The following UGT3A1 variants were observed in gnomAD, a reference collection of about 807,000 sequenced individuals.
UGT3A1 encodes UDP-glycosyltransferase 3A1.
A neutral mutation model predicts 37.6 loss-of-function variants in UGT3A1; 40 were observed. That is an observed-to-expected ratio of 1.06 (90% CI 0.83 to 1.38). UGT3A1 has a LOEUF of 1.38. Ranked by LOEUF, UGT3A1 falls within the 40% of genes most tolerant of loss-of-function variation. UGT3A1 has a pLI of 0.00. For missense variants in UGT3A1, 642 were observed against 634.2 expected, an observed-to-expected ratio of 1.01 and a Z score of -0.13; for synonymous variants, 256 against 232.3, an observed-to-expected ratio of 1.10 and a Z score of -0.93.
intron 2 of UGT3A1, among the ~76,000 whole-genome samples, chr5:35,976,048 A>G (rs1384024664): frequency 6.6e-6 from 1 of 152,192 alleles, no homozygotes; most frequent in Non-Finnish European, 1.5e-5. Flanking sequence ...GTGATCCACT[A>G]TCAATATTTT....
intron 2 of UGT3A1, among the ~76,000 whole-genome samples, chr5:35,978,536 A>G (rs1740390324): frequency 6.6e-6 from 1 of 151,826 alleles, no homozygotes; most frequent in Non-Finnish European, 1.5e-5. Flanking sequence ...TTACAAAACC[A>G]TCAGATCTCA....
At chr5:35,984,360 T>G (rs1172923142) in intron 2 of UGT3A1, among the ~76,000 whole-genome samples, 2 of 152,248 alleles carry the variant, frequency 1.3e-5, no homozygotes, top group Non-Finnish European at 2.9e-5. Context: ...TATGTGATAC[T>G]TAACTGTATT....
In UGT3A1 at chr5:35,967,215, T is replaced by C. The variant is rs560889915; in HGVS notation, c.311+804A>G. 2.0e-5 allele frequency among the ~76,000 whole-genome samples: 3 copies of C among 152,260 alleles called. No individual in the cohort carries two copies. In the East Asian group the frequency reaches 5.8e-4, roughly 29 times the overall value. On this transcript the variant is annotated intron_variant, in intron 3 of 6. Transcript: ENST00000274278. Reference sequence around the variant, plus strand: ...TGCCATAGACTAAGTATCAAATGAGTGCTATATGCCAGACCTATGGAGGAG... The same window carrying C: ...TGCCATAGACTAAGTATCAAATGAGCGCTATATGCCAGACCTATGGAGGAG...
At chr5:35,998,137 T>G (rs1224141821) in intron 1 of UGT3A1, among the ~76,000 whole-genome samples, 1 of 152,212 alleles carries the variant, frequency 6.6e-6, no homozygotes, top group Non-Finnish European at 1.5e-5. Context: ...GACAATCAGC[T>G]GTACAACAAA....
rs754514609 is a variant in UGT3A1, at chr5:35,965,584, C to T, written c.645G>A (p.Trp215Ter). The part of the protein sequence containing the change: ...LMFFSFSRSQ[W>*]DMQSTFDNTI... ...TGTTGTCAAATGTAGACTGCATGTC[C>T]CATTGGCTCCTGGAGAAACTAAAGA... The change falls in exon 4 of 7, where the codon TGG becomes TGA. Residue 215 changes from tryptophan to a stop codon, truncating the protein, a stop_gained. Transcript: ENST00000274278. LOFTEE classifies it high-confidence loss of function. The T allele has an allele frequency of 2.5e-6, 4 of 1,614,060 alleles. No individual in the cohort carries two copies. The highest frequency in any genetic ancestry group is 3.4e-6 in the Non-Finnish European group (4 of 1,180,038).
At chr5:35,962,122 C>T (rs189852223) in intron 4 of UGT3A1, 3 of 152,344 alleles carry the variant, frequency 2.0e-5, no homozygotes, top group Non-Finnish European at 2.9e-5. Flanking sequence ...TGAAACAAAG[C>T]TCATCCCCAA....
chr5:35,994,333 T>TTTGTTTGTGTGTGTGTG (rs1368444490), upstream of UGT3A1, among the ~76,000 whole-genome samples: 29 of 138,640 alleles, frequency 2.1e-4, no homozygotes, highest in East Asian at 5.7e-3. Flanking sequence ...TTTGTTTTGT[T>TTTGTTTGTGTGTGTGTG]TGTGTGTGTG....
Position 35,991,324 on chromosome 5 carries a change from C to G in UGT3A1, c.-84G>C. 5.7e-6 allele frequency: 9 copies of G among 1,586,428 alleles called. No homozygotes were observed. Among genetic ancestry groups the G allele is most frequent in the Non-Finnish European group, 7.7e-6 (9 of 1,166,210 alleles). On this transcript the variant is annotated 5_prime_UTR_variant, in exon 1 of 7. Transcript: ENST00000274278. The stretch of plus-strand genomic sequence containing the variant: ...AGGACTCTGTGCGCGCCTCAGTACT[C>G]CAAAGGCACTGGCTGTGGGCCTAGG...
intron 2 of UGT3A1, among the ~76,000 whole-genome samples, chr5:35,975,464 A>G (rs6861226): frequency 0.26 from 39,107 of 152,128 alleles, 6,642 homozygotes; most frequent in African/African-American, 0.46. Context: ...CCTTCATGCA[A>G]TGCTTCCACC....
intron 4 of UGT3A1, among the ~76,000 whole-genome samples, chr5:35,963,640 C>A (rs912795357): frequency 2.6e-5 from 4 of 152,234 alleles, no homozygotes; most frequent in African/African-American, 7.2e-5. Flanking sequence ...ATCATTATAG[C>A]CTTCCCCCGG....
intron 3 of UGT3A1, among the ~76,000 whole-genome samples, 197 bp from the exon 4 acceptor site, chr5:35,966,114 C>T (rs1739800331): frequency 6.6e-6 from 1 of 152,144 alleles, no homozygotes. Context: ...TAAAATGTCC[C>T]CACTTGCTCC....
At chr5:35,958,631 A>G (rs980088143) in intron 4 of UGT3A1, among the ~76,000 whole-genome samples, 1 of 152,238 alleles carries the variant, frequency 6.6e-6, no homozygotes, top group African/African-American at 2.4e-5. Flanking sequence ...GACTCCGTAG[A>G]GTTTTGAAAA....
intron 2 of UGT3A1, among the ~76,000 whole-genome samples, chr5:35,982,539 G>T (rs73076168): frequency 0.018 from 2,709 of 152,272 alleles, 85 homozygotes; most frequent in African/African-American, 0.063. Context: ...ATTTGGAATG[G>T]GAATATTTAC....
intron 2 of UGT3A1, among the ~76,000 whole-genome samples, chr5:35,987,200 A>G (rs1740762039): frequency 6.6e-6 from 1 of 152,168 alleles, no homozygotes; most frequent in Admixed American, 6.5e-5. Flanking sequence ...CAATACACTG[A>G]TTTGGCTATC....
intron 2 of UGT3A1, among the ~76,000 whole-genome samples, chr5:35,970,539 C>T (rs149173184): frequency 3.3e-5 from 5 of 152,166 alleles, no homozygotes; most frequent in African/African-American, 9.7e-5. Flanking sequence ...GGTGGGGACA[C>T]AGCCAAACCA....
At chr5:35,990,443 C>A (rs548525141) in intron 1 of UGT3A1, among the ~76,000 whole-genome samples, 9 of 152,120 alleles carry the variant, frequency 5.9e-5, no homozygotes, top group Admixed American at 5.9e-4. Flanking sequence ...CTTCTACTTC[C>A]TTTGAAATAA....
chr5:35,955,880 A>G lies in UGT3A1; in HGVS notation c.1076-16T>C, dbSNP rs1380257336. On this transcript the variant is annotated splice_polypyrimidine_tract_variant and intron_variant, in intron 5 of 6. Transcript: ENST00000274278. ...CTGGGGTGAGCTGTGGCAAATAAGA[A>G]AGAGAGTGGAACACTTCAGGATGAA... 2.5e-6 allele frequency: 4 copies of G among 1,612,878 alleles called. No individual in the cohort carries two copies. The highest frequency in any genetic ancestry group is 1.3e-5 in the African/African-American group (1 of 74,930).
At chr5:35,955,947 C>A in intron 5 of UGT3A1, 83 bp from the exon 6 acceptor site, 1 of 1,360,742 alleles carries the variant, frequency 7.3e-7, no homozygotes, top group South Asian at 1.2e-5. Flanking sequence ...TCAGATGAAA[C>A]ACCAATGAAA....
At chr5:35,968,667 A>C (rs1334723281) in intron 2 of UGT3A1, among the ~76,000 whole-genome samples, 1 of 151,636 alleles carries the variant, frequency 6.6e-6, no homozygotes, top group Non-Finnish European at 1.5e-5. Flanking sequence ...CCCCTCCCCC[A>C]TCACCCATGT....
Sources: allele counts gnomAD v4.1 joint callset (sites outside exome capture counted in the v4.1 genomes callset), GRCh38; gene constraint gnomAD v4.1.1; transcripts MANE v1.5; gene names NCBI Gene and HGNC (gene_info 2026-07-23, HGNC 2026-07-21).